Variants in FBLN1 observed in about 807,000 individuals in gnomAD.
The protein encoded by FBLN1 is fibulin-1.
In FBLN1, 34 loss-of-function variants were observed where a neutral mutation model predicts 89.7. The ratio of observed to expected loss-of-function variants is 0.38; its 90% CI spans 0.29 to 0.50. The LOEUF (loss-of-function observed/expected upper bound fraction) is 0.50. Among genes scored for constraint, FBLN1 ranks in the 20% least tolerant of loss-of-function variants. The pLI is 0.92. For synonymous variants in FBLN1, 393 were observed against 391.3 expected (o/e 1.00, Z -0.05); for missense variants, 777 against 988.1 (o/e 0.79, Z 2.86).
intron 14 of FBLN1, among the ~76,000 whole-genome samples, chr22:45,555,280 TATATATATATAA>T: frequency 7.8e-6 from 1 of 127,578 alleles, no homozygotes; most frequent in African/African-American, 2.6e-5. Flanking sequence ...GGAATATATA[TATATATATATAA>T]AATGGAATAT....
intron 2 of FBLN1, among the ~76,000 whole-genome samples, chr22:45,525,069 CAAAG>C (rs1176307315): frequency 6.2e-5 from 9 of 145,300 alleles, no homozygotes; most frequent in South Asian, 4.3e-4. Flanking sequence ...AACTCCATCT[CAAAG>C]AAAGAAAGAA....
At chr22:45,544,890 G>C (rs1427426076) in intron 11 of FBLN1, among the ~76,000 whole-genome samples, 1 of 152,222 alleles carries the variant, frequency 6.6e-6, no homozygotes, top group Admixed American at 6.5e-5. Context: ...CAGATGTCGT[G>C]TCTTGTATAC....
rs754425921 is a variant in FBLN1 at position 45,577,043 on chromosome 22, T to C, written c.1907T>C (p.Ile636Thr). 7.4e-6 allele frequency: 12 copies of C among 1,613,966 alleles called. No homozygotes were observed. In the South Asian group the frequency reaches 1.3e-4, roughly 18 times the overall value. ...AGCCAGGCTAACATCATCTTCGACA[T>C]CACGGAAGGGAACCTGCGGGACTCT... ...PASQANIIFD[I>T]TEGNLRDSFD... The change falls in exon 16 of 17, where the codon ATC (isoleucine) becomes ACC (threonine). Residue 636 changes from isoleucine (I) to threonine (T), a missense_variant. Coordinates refer to ENST00000327858, the MANE Select transcript of FBLN1 (RefSeq NM_006486.3). The surrounding 1 kb of genome is among the most constrained non-coding windows in gnomAD (Gnocchi z 6.6).
chr22:45,530,772 T>TC lies in FBLN1; in HGVS notation c.485-493_485-492insC, dbSNP rs2146965782. On this transcript the variant is annotated intron_variant, in intron 4 of 16. Transcript: ENST00000327858. The surrounding 1 kb of genome is among the most constrained non-coding windows in gnomAD (Gnocchi z 5.4). ...GTGGTCTTTCTGTTATAACTGATCTTTTTTTTTTGAAACGGAGTCTCGCTC... is the reference window on the plus strand; with the variant it reads ...GTGGTCTTTCTGTTATAACTGATCTTCTTTTTTTTGAAACGGAGTCTCGCTC... Among the ~76,000 whole-genome samples the TC allele has an allele frequency of 9.2e-6, 1 of 109,234 alleles. No homozygotes were observed. The highest frequency in any genetic ancestry group is 4.7e-5 in the African/African-American group (1 of 21,098). The allele number at this position is 109,234 out of a possible 152,430, so 71.7% of individuals were successfully genotyped here.
chr22:45,563,170 G>A lies in FBLN1; in HGVS notation c.1698-11341G>A. The A allele has an allele frequency of 6.2e-7, 1 of 1,613,692 alleles. No homozygotes were observed. Among genetic ancestry groups the A allele is most frequent in the Non-Finnish European group, 8.5e-7 (1 of 1,180,000 alleles). On this transcript the variant is annotated intron_variant, in intron 14 of 16. Transcript: ENST00000327858. This position sits in a 1 kb window ranked among gnomAD's most constrained non-coding sequence, Gnocchi z 5.7. Reference sequence around the variant, plus strand: ...TCACCAAGCCTGTCCCCGAGCCCAGGGACTTGCTCCTGACCGTCAAGATGG... The same window carrying A: ...TCACCAAGCCTGTCCCCGAGCCCAGAGACTTGCTCCTGACCGTCAAGATGG...
intron 1 of FBLN1, 168 bp from the exon 2 acceptor site, chr22:45,518,514 G>T: frequency 1.5e-6 from 1 of 667,190 alleles, no homozygotes. Context: ...CGCAGCTGGG[G>T]TCTGGTGGGG....
chr22:45,564,954 T>C, intron 14 of FBLN1: 2 of 1,614,086 alleles, frequency 1.2e-6, no homozygotes, highest in African/African-American at 1.3e-5. Flanking sequence ...GGTTCTTCCA[T>C]GGAAGCAGGG....
intron 3 of FBLN1, among the ~76,000 whole-genome samples, chr22:45,526,810 G>A (rs935809220): frequency 3.3e-5 from 5 of 152,162 alleles, no homozygotes; most frequent in East Asian, 1.9e-4. Context: ...GACTTTGGGC[G>A]TTTCATGACT....
chr22:45,546,981 C>T, intron 11 of FBLN1, 104 bp from the exon 12 acceptor site: 1 of 1,567,938 alleles, frequency 6.4e-7, no homozygotes, highest in Non-Finnish European at 8.7e-7. Context: ...GTGTGTTAAC[C>T]TGAGGGAGGT....
chr22:45,554,071 G>A (rs891829985), intron 14 of FBLN1, among the ~76,000 whole-genome samples: 4 of 152,260 alleles, frequency 2.6e-5, no homozygotes, highest in Non-Finnish European at 5.9e-5. Context: ...AGCCAAGCTT[G>A]CCCCTTACGA....
intron 1 of FBLN1, among the ~76,000 whole-genome samples, chr22:45,510,575 T>C (rs6006759): frequency 0.064 from 9,690 of 152,190 alleles, 1,021 homozygotes; most frequent in African/African-American, 0.22. Context: ...GCTCACAGGC[T>C]GCTGGGGATG....
At chr22:45,529,830 GC>G (rs1276913978) in intron 4 of FBLN1, among the ~76,000 whole-genome samples, 2 of 152,180 alleles carry the variant, frequency 1.3e-5, no homozygotes, top group East Asian at 3.8e-4. Flanking sequence ...TGGCGCCATT[GC>G]ATTCCAGCCT....
In FBLN1 at chr22:45,574,683, G is replaced by A. The variant is rs767717375; in HGVS notation, c.1840+30G>A. On this transcript the variant is annotated intron_variant, in intron 15 of 16. Transcript: ENST00000327858. The surrounding 1 kb of genome is among the most constrained non-coding windows in gnomAD (Gnocchi z 4.1). ...GTGGGATGGGTGTGGGGGTCCCAGG[G>A]CCCCCTAGGGCCTCCCTCGGCTTCA... is the stretch of plus-strand genomic sequence containing the variant. 11 of 1,602,858 alleles carry A rather than the reference G, an allele frequency of 6.9e-6. No homozygotes were observed. The Admixed American group carries it at 1.0e-4, about 15-fold the overall frequency.
chr22:45,542,159 G>T lies in FBLN1; in HGVS notation c.1071G>T (p.Val357=). The T allele has an allele frequency of 6.2e-7, 1 of 1,614,166 alleles. No individual in the cohort carries two copies. The highest frequency in any genetic ancestry group is 1.3e-5 in the African/African-American group (1 of 75,038). The change falls in exon 10 of 17, where the codon GTG becomes GTT. Residue 357 remains valine (V), a synonymous_variant. Transcript: ENST00000327858. ...LNEEGTRCVD[V]DECAPPAEPC... ...GCTTTCTTTCTCCTTTGCAAGATGTGGACGAGTGCGCGCCACCTGCTGAGC... is the reference window on the plus strand; with the variant it reads ...GCTTTCTTTCTCCTTTGCAAGATGTTGACGAGTGCGCGCCACCTGCTGAGC...
intron 16 of FBLN1, among the ~76,000 whole-genome samples, chr22:45,599,776 G>C (rs1471986106): frequency 6.6e-6 from 1 of 152,102 alleles, no homozygotes; most frequent in Non-Finnish European, 1.5e-5. Context: ...AATGAGCCAG[G>C]CATGGTGGCA....
rs1002424267 is a variant in FBLN1 at position 45,581,340 on chromosome 22, C to T, written c.1972+4232C>T. 3.9e-5 allele frequency among the ~76,000 whole-genome samples: 6 copies of T among 152,076 alleles called. No homozygotes were observed. The highest frequency in any genetic ancestry group is 7.4e-5 in the Non-Finnish European group (5 of 68,026). ...AGCCACATCTGTGTCTGTCTGGCTC[C>T]CTCCACTCAGCCTCAAGACCCAGCA... On this transcript the variant is annotated intron_variant, in intron 16 of 16. Coordinates refer to ENST00000327858, the MANE Select transcript of FBLN1 (RefSeq NM_006486.3). This position sits in a 1 kb window ranked among gnomAD's most constrained non-coding sequence, Gnocchi z 7.6.
chr22:45,574,708 A>G lies in FBLN1; in HGVS notation c.1840+55A>G. The G allele has an allele frequency of 1.9e-6, 3 of 1,540,550 alleles. No homozygotes were observed. Among genetic ancestry groups the G allele is most frequent in the African/African-American group, 1.4e-5 (1 of 73,310 alleles). ...GCCCCCTAGGGCCTCCCTCGGCTTCAGCTGAGGGCTTGGCCTACAGGAGTT... is the reference window on the plus strand; with the variant it reads ...GCCCCCTAGGGCCTCCCTCGGCTTCGGCTGAGGGCTTGGCCTACAGGAGTT... On this transcript the variant is annotated intron_variant, in intron 15 of 16. Coordinates refer to ENST00000327858, the MANE Select transcript of FBLN1 (RefSeq NM_006486.3). The surrounding 1 kb of genome is among the most constrained non-coding windows in gnomAD (Gnocchi z 4.1).
chr22:45,565,018 G>A (rs201418561), intron 14 of FBLN1: 1 of 1,612,920 alleles, frequency 6.2e-7, no homozygotes, highest in East Asian at 2.2e-5. Flanking sequence ...TGGACAGACA[G>A]TCAGCTCCAC....
chr22:45,593,430 A>G (rs1209473325), intron 16 of FBLN1, among the ~76,000 whole-genome samples: 3 of 152,180 alleles, frequency 2.0e-5, no homozygotes, highest in East Asian at 1.9e-4. Context: ...ACAGGGAGAA[A>G]AAAAGTGCTT....
Sources: allele counts gnomAD v4.1 joint callset (sites outside exome capture counted in the v4.1 genomes callset), GRCh38; gene constraint gnomAD v4.1.1; non-coding constraint Gnocchi (gnomAD v3.1); transcripts MANE v1.5; gene names NCBI Gene and HGNC (gene_info 2026-07-23, HGNC 2026-07-21).